Variants in PARD3B observed in about 807,000 individuals in gnomAD.
PARD3B encodes the protein partitioning defective 3 homolog B.
Under a neutral mutation model 130.2 loss-of-function variants are expected in PARD3B, and 103 were observed. That is an observed-to-expected ratio of 0.79 (90% CI 0.67 to 0.93). The LOEUF (loss-of-function observed/expected upper bound fraction) is 0.93, where lower values mean the gene tolerates loss of function less well. Among genes scored for constraint, PARD3B ranks in the 40% least tolerant of loss-of-function variants. PARD3B has a pLI of 0.00. For synonymous variants in PARD3B, 583 were observed against 553.2 expected (o/e 1.05, Z -0.76); for missense variants, 1,609 against 1,499.2 (o/e 1.07, Z -1.21).
rs2050855998 is a variant in PARD3B, at chr2:205,517,804, AAGAACTTTTTG to A, written c.3180+17775_3180+17785del. Among the ~76,000 whole-genome samples the A allele has an allele frequency of 3.9e-5, 6 of 152,118 alleles. No homozygotes were observed. The South Asian group carries it at 1.2e-3, about 32-fold the overall frequency. ...TTGTGTTTTGTTCTCATTAGTTTTA[AAGAACTTTTTG>A]ATTTCTGCCTTAACTTCATTATTTG... On this transcript the variant is annotated intron_variant, in intron 21 of 22. Transcript: ENST00000406610.
At chr2:205,424,992 G>A (rs572822348) in intron 19 of PARD3B, among the ~76,000 whole-genome samples, 2 of 152,304 alleles carry the variant, frequency 1.3e-5, no homozygotes, top group South Asian at 2.1e-4. Flanking sequence ...TAAGAATAAA[G>A]CACATCAACA....
intron 18 of PARD3B, among the ~76,000 whole-genome samples, chr2:205,365,806 A>G (rs1172257265): frequency 1.3e-5 from 2 of 152,178 alleles, no homozygotes; most frequent in Admixed American, 6.5e-5. Flanking sequence ...AATTTAAGAT[A>G]GGCTTCAGAT....
rs370061640 is a variant in PARD3B, at chr2:204,878,610, G to A, written c.223-86542G>A. Among the ~76,000 whole-genome samples, 11 of 152,162 alleles carry A rather than the reference G, an allele frequency of 7.2e-5. No homozygotes were observed. In the East Asian group the frequency reaches 1.5e-3, roughly 21 times the overall value. ...TATATATGCCCCTTCAAATAAAAAT[G>A]CAATTTTCTTAGCTAATGGTGATAA... is the stretch of plus-strand genomic sequence containing the variant. On this transcript the variant is annotated intron_variant, in intron 2 of 22. Coordinates refer to ENST00000406610, the MANE Select transcript of PARD3B (RefSeq NM_001302769.2).
At chr2:204,871,930 G>T (rs550188143) in intron 2 of PARD3B, among the ~76,000 whole-genome samples, 2 of 152,058 alleles carry the variant, frequency 1.3e-5, no homozygotes, top group East Asian at 1.9e-4. Context: ...GAGAAAGTCT[G>T]GATATCTAAA....
In PARD3B at chr2:204,943,757, C is replaced by T. The variant is rs548507864; in HGVS notation, c.223-21395C>T. Among the ~76,000 whole-genome samples the T allele has an allele frequency of 1.1e-4, 16 of 152,086 alleles. No homozygotes were observed. The highest frequency in any genetic ancestry group is 2.9e-4 in the African/African-American group (12 of 41,404). On this transcript the variant is annotated intron_variant, in intron 2 of 22. Transcript: ENST00000406610. This position sits in a 1 kb window ranked among gnomAD's most constrained non-coding sequence, Gnocchi z 4.2. ...ATCCTCTCTTCCTTGAGGGAAAGTT[C>T]GCCTCTCCATTGCCATCCCTACATT...
chr2:205,299,371 G>C (rs992241742), intron 16 of PARD3B, among the ~76,000 whole-genome samples: 1 of 152,020 alleles, frequency 6.6e-6, no homozygotes, highest in Non-Finnish European at 1.5e-5. Flanking sequence ...TTCTTAATAG[G>C]TACTCTTGTC....
At chr2:204,565,158 C>G (rs1418932610) in intron 1 of PARD3B, among the ~76,000 whole-genome samples, 1 of 152,184 alleles carries the variant, frequency 6.6e-6, no homozygotes, top group Non-Finnish European at 1.5e-5. Context: ...CTCCTGGAGG[C>G]CACCCTTCTT....
chr2:205,234,473 C>T (rs2038975758), intron 15 of PARD3B, among the ~76,000 whole-genome samples: 1 of 152,128 alleles, frequency 6.6e-6, no homozygotes, highest in African/African-American at 2.4e-5. Flanking sequence ...TTTAATGGAA[C>T]CAAATCATCA....
At chr2:205,433,424 C>T (rs1357161220) in intron 19 of PARD3B, among the ~76,000 whole-genome samples, 2 of 150,474 alleles carry the variant, frequency 1.3e-5, no homozygotes, top group South Asian at 2.1e-4. Flanking sequence ...CCCAGCTACA[C>T]AGGAGGCTGA....
At chr2:204,691,151 G>T (rs2037335719) in intron 2 of PARD3B, among the ~76,000 whole-genome samples, 1 of 152,094 alleles carries the variant, frequency 6.6e-6, no homozygotes, top group African/African-American at 2.4e-5. Context: ...AAGTGAGCAT[G>T]AGAGCTTCTG....
At chr2:204,788,535 CA>C (rs1270201498) in intron 2 of PARD3B, among the ~76,000 whole-genome samples, 2 of 152,102 alleles carry the variant, frequency 1.3e-5, no homozygotes, top group Non-Finnish European at 2.9e-5. Flanking sequence ...TATTTTAGTT[CA>C]AATAACTTTA....
chr2:204,908,468 T>G (rs949158288), intron 2 of PARD3B, among the ~76,000 whole-genome samples: 1 of 152,206 alleles, frequency 6.6e-6, no homozygotes, highest in African/African-American at 2.4e-5. Flanking sequence ...AAAACTCTTC[T>G]ACCAACTGGG....
At chr2:204,713,165 C>T (rs779482663) in intron 2 of PARD3B, among the ~76,000 whole-genome samples, 27 of 151,916 alleles carry the variant, frequency 1.8e-4, no homozygotes, top group Non-Finnish European at 3.1e-4. Context: ...CATGTTTTGC[C>T]CCTTGCAACA....
At chr2:204,630,461 A>G (rs1050298561) in intron 1 of PARD3B, among the ~76,000 whole-genome samples, 3 of 152,116 alleles carry the variant, frequency 2.0e-5, no homozygotes, top group Admixed American at 6.6e-5. Context: ...GAACATCTCT[A>G]TCCATCTCAT....
At chr2:205,209,569 A>G (rs1351641881) in intron 15 of PARD3B, among the ~76,000 whole-genome samples, 1 of 147,848 alleles carries the variant, frequency 6.8e-6, no homozygotes, top group Non-Finnish European at 1.5e-5. Context: ...ATAATGTGCA[A>G]TTAAATATAC....
At chr2:205,533,938 G>C (rs2051719397) in intron 21 of PARD3B, among the ~76,000 whole-genome samples, 1 of 151,944 alleles carries the variant, frequency 6.6e-6, no homozygotes, top group South Asian at 2.1e-4. Context: ...TAGGCAGCCA[G>C]CCACCTCTAA....
At chr2:205,500,056 G>A (rs545352518) in intron 21 of PARD3B, 25 bp downstream of exon 21, 27 of 1,609,530 alleles carry the variant, frequency 1.7e-5, no homozygotes, top group East Asian at 6.7e-5. Flanking sequence ...GATTTCAATC[G>A]TTGAATTCAT....
In PARD3B at chr2:205,281,688, A is replaced by G. The variant is rs772917795; in HGVS notation, c.2186-18842A>G. On this transcript the variant is annotated intron_variant, in intron 16 of 22. Transcript: ENST00000406610. The surrounding 1 kb of genome is among the most constrained non-coding windows in gnomAD (Gnocchi z 4.2). ...AGACACTATATAACCTGCACTCGGA[A>G]GGCAGGCAACTGTTTTGTATCAATC... 1.3e-4 allele frequency among the ~76,000 whole-genome samples: 20 copies of G among 152,234 alleles called. No homozygotes were observed. Among genetic ancestry groups the G allele is most frequent in the Non-Finnish European group, 2.4e-4 (16 of 68,040 alleles).
chr2:205,100,421 T>G (rs983780548), intron 4 of PARD3B, among the ~76,000 whole-genome samples: 2 of 152,066 alleles, frequency 1.3e-5, no homozygotes, highest in African/African-American at 4.8e-5. Context: ...AATTGATCTA[T>G]GTATTCAATG....
Sources: gnomAD v4.1 joint callset for allele counts (sites outside exome capture counted in the v4.1 genomes callset) on GRCh38, gnomAD v4.1.1 for gene constraint, Gnocchi (gnomAD v3.1) non-coding constraint, MANE v1.5 for transcripts, NCBI Gene and HGNC (gene_info 2026-07-23, HGNC 2026-07-21) for gene names.